Variants in PSMD9 observed in about 807,000 individuals in gnomAD.
PSMD9 encodes the protein 26S proteasome non-ATPase regulatory subunit 9.
In PSMD9, 26 loss-of-function variants were observed where a neutral mutation model predicts 25.9. The ratio of observed to expected loss-of-function variants is 1.00; its 90% CI spans 0.73 to 1.39. PSMD9 has a LOEUF of 1.39. Ranked by LOEUF, PSMD9 falls within the 40% of genes most tolerant of loss-of-function variation. PSMD9 has a pLI of 0.00. For synonymous variants in PSMD9, 110 were observed against 114.5 expected, an observed-to-expected ratio of 0.96 and a Z score of 0.25; for missense variants, 303 against 299.3, an observed-to-expected ratio of 1.01 and a Z score of -0.09.
rs1245354158 is a variant in PSMD9 at position 121,916,623 on chromosome 12, G to A, written c.*312G>A. ...GATTATTATTATTATTTTTAATAAA[G>A]AGTTTTACAGTGCTGATATGACCCT... On this transcript the variant is annotated 3_prime_UTR_variant, in exon 6 of 6. Transcript: ENST00000541212. 2 of 355,078 alleles carry A rather than the reference G, an allele frequency of 5.6e-6. No homozygotes were observed. The highest frequency in any genetic ancestry group is 1.0e-5 in the Non-Finnish European group (2 of 193,384). 22.0% of individuals were successfully genotyped at this position (355,078 alleles called of 1,614,324 possible).
chr12:121,893,474 C>T (rs1438244646), intron 1 of PSMD9, among the ~76,000 whole-genome samples: 9 of 152,224 alleles, frequency 5.9e-5, no homozygotes, highest in Non-Finnish European at 1.0e-4. Context: ...GCCACCTTAA[C>T]ACCACAGAGT....
intron 4 of PSMD9, among the ~76,000 whole-genome samples, chr12:121,907,407 A>C (rs1879594001): frequency 1.4e-5 from 2 of 144,560 alleles, no homozygotes; most frequent in South Asian, 4.4e-4. Context: ...TTTATTTGAG[A>C]TGGAGTCTTG....
At position 121,899,824 on chromosome 12, in the gene PSMD9, C is replaced by T. The variant is rs758394413; in HGVS notation, c.432C>T (p.Pro144=). 19 of 1,613,902 alleles carry T rather than the reference C, an allele frequency of 1.2e-5. No individual in the cohort carries two copies. Among genetic ancestry groups the T allele is most frequent in the South Asian group, 3.3e-5 (3 of 91,082 alleles). The change falls in exon 3 of 6, where the codon CCC becomes CCT. Residue 144 remains proline, a synonymous_variant. Coordinates refer to ENST00000541212, the MANE Select transcript of PSMD9 (RefSeq NM_002813.7). ...RAFAKVNSIS[P]GSPASIAGLQ... Reference sequence around the variant, plus strand: ...TCGCCAAAGTGAACAGCATCAGCCCCGGCTCCCCAGCCAGCATCGCGGTAA... The same window carrying T: ...TCGCCAAAGTGAACAGCATCAGCCCTGGCTCCCCAGCCAGCATCGCGGTAA...
At chr12:121,899,988 C>G in intron 3 of PSMD9, 143 bp downstream of exon 3, 1 of 978,990 alleles carries the variant, frequency 1.0e-6, no homozygotes, top group Non-Finnish European at 1.5e-6. Context: ...CTGACTGAGG[C>G]CTGTCGTGTA....
At chr12:121,897,011 C>G (rs76706382) in intron 2 of PSMD9, among the ~76,000 whole-genome samples, 1 of 151,810 alleles carries the variant, frequency 6.6e-6, no homozygotes, top group Admixed American at 6.6e-5. Context: ...TATACACATG[C>G]GTGTATATAT....
In PSMD9 at chr12:121,903,057, A is replaced by G. The variant is rs1879446459; in HGVS notation, c.505A>G (p.Asn169Asp). Residue 169 changes from asparagine (N) to aspartate (D), a missense_variant, in exon 4 of 6, where the codon AAC (asparagine) becomes GAC (aspartate). By Grantham distance (23) the Asn-to-Asp change is conservative (BLOSUM62 1). Transcript: ENST00000541212. ...IVEFGSVNTQNFQSLHNIGSV... is the reference protein window; with the variant it reads ...IVEFGSVNTQDFQSLHNIGSV... ...GGAGTTCGGCTCTGTGAACACCCAGAACTTCCAGTCACTGCATAACATTGG... is the reference window on the plus strand; with the variant it reads ...GGAGTTCGGCTCTGTGAACACCCAGGACTTCCAGTCACTGCATAACATTGG... The G allele has an allele frequency of 6.2e-7, 1 of 1,613,976 alleles. No individual in the cohort carries two copies. The highest frequency in any genetic ancestry group is 1.3e-5 in the African/African-American group (1 of 74,894).
chr12:121,910,990 C>T (rs1301043302), intron 4 of PSMD9: 1 of 456,414 alleles, frequency 2.2e-6, no homozygotes, highest in East Asian at 7.0e-5. Context: ...TTTGACTACT[C>T]CAGGGACCTC....
At position 121,906,983 on chromosome 12, in the gene PSMD9, C is replaced by G. The variant is rs570807717; in HGVS notation, c.555+3876C>G. 1.7e-3 allele frequency among the ~76,000 whole-genome samples: 259 copies of G among 148,382 alleles called. 4 individuals are homozygous for G. Among genetic ancestry groups the G allele is most frequent in the African/African-American group, 6.0e-3 (245 of 40,624 alleles). On this transcript the variant is annotated intron_variant, in intron 4 of 5. Coordinates refer to ENST00000541212, the MANE Select transcript of PSMD9 (RefSeq NM_002813.7). The stretch of plus-strand genomic sequence containing the variant: ...TCTGTGTCAAAAAAAAAAAAAAAAC[C>G]AAAAAACTCACAGTGTTCTATTGTG...
chr12:121,892,558 G>A (rs934261958), intron 1 of PSMD9, among the ~76,000 whole-genome samples: 5 of 151,920 alleles, frequency 3.3e-5, no homozygotes, highest in African/African-American at 4.8e-5. Flanking sequence ...AAAATTAGCC[G>A]GGTGTGGTGG....
intron 3 of PSMD9, 94 bp downstream of exon 3, chr12:121,899,939 G>A (rs773907139): frequency 2.6e-5 from 34 of 1,333,204 alleles, no homozygotes; most frequent in Non-Finnish European, 3.5e-5. Context: ...AGTTCTCTCC[G>A]TGCTGCGGTG....
intron 2 of PSMD9, among the ~76,000 whole-genome samples, chr12:121,896,952 T>C (rs1258075599): frequency 6.6e-6 from 1 of 151,738 alleles, no homozygotes; most frequent in Non-Finnish European, 1.5e-5. Context: ...CATGTGTATA[T>C]ATCTACACAT....
intron 4 of PSMD9, chr12:121,911,104 A>G (rs894760686): frequency 2.4e-5 from 10 of 421,582 alleles, no homozygotes; most frequent in South Asian, 3.5e-5. Context: ...CAGTGGCTCA[A>G]TCTCCACTCA....
rs191235879 is a variant in PSMD9, at chr12:121,906,251, T to C, written c.555+3144T>C. 4.6e-5 allele frequency among the ~76,000 whole-genome samples: 7 copies of C among 152,288 alleles called. No individual in the cohort carries two copies. The East Asian group carries it at 1.2e-3, about 25-fold the overall frequency. On this transcript the variant is annotated intron_variant, in intron 4 of 5. Transcript: ENST00000541212. ...TAAAGGCTGAGCTGTCTTGGTGGGC[T>C]GGAGGATGGAGAAGGTCGTGTGTTG...
At chr12:121,909,754 C>T (rs1177248319) in intron 4 of PSMD9, among the ~76,000 whole-genome samples, 1 of 152,180 alleles carries the variant, frequency 6.6e-6, no homozygotes, top group African/African-American at 2.4e-5. Context: ...CCACCATGTT[C>T]CATTGGTCGG....
intron 4 of PSMD9, among the ~76,000 whole-genome samples, chr12:121,910,375 TGCCCG>T (rs1879683564): frequency 6.6e-6 from 1 of 151,124 alleles, no homozygotes; most frequent in Non-Finnish European, 1.5e-5. Flanking sequence ...TGAGCTACCA[TGCCCG>T]GCCTATGCTG....
chr12:121,916,312 T>A lies in PSMD9; in HGVS notation c.*1T>A, dbSNP rs777359445. ...CAACATTATTCCTCTGCAAAGATGA[T>A]TGTCCCTGGGGAACAGTAACAGGAA... On this transcript the variant is annotated 3_prime_UTR_variant, in exon 6 of 6. Transcript: ENST00000541212. The A allele has an allele frequency of 6.2e-7, 1 of 1,613,972 alleles. No homozygotes were observed. The highest frequency in any genetic ancestry group is 8.5e-7 in the Non-Finnish European group (1 of 1,179,922).
In PSMD9 at chr12:121,917,432, C is replaced by G. The variant is rs1038054765; in HGVS notation, c.*1121C>G. 6.6e-6 allele frequency: 1 copy of G among 152,216 alleles called. No homozygotes were observed. Among genetic ancestry groups the G allele is most frequent in the Admixed American group, 6.5e-5 (1 of 15,276 alleles). The allele number at this position is 152,216 out of a possible 1,614,324, so 9.4% of individuals were successfully genotyped here. On this transcript the variant is annotated 3_prime_UTR_variant, in exon 6 of 6. Transcript: ENST00000541212. Reference sequence around the variant, plus strand: ...TCTTCCTCCCTTTTATTTTTTGTCTCTTTTAAGATGGTAAAATGGTTCTCA... The same window carrying G: ...TCTTCCTCCCTTTTATTTTTTGTCTGTTTTAAGATGGTAAAATGGTTCTCA...
rs367924572 is a variant in PSMD9, at chr12:121,912,401, G to A, written c.556-3455G>A. Among the ~76,000 whole-genome samples, 21 of 152,110 alleles carry A rather than the reference G, an allele frequency of 1.4e-4. No individual in the cohort carries two copies. In the East Asian group the frequency reaches 1.7e-3, roughly 13 times the overall value. On this transcript the variant is annotated intron_variant, in intron 4 of 5. Coordinates refer to ENST00000541212, the MANE Select transcript of PSMD9 (RefSeq NM_002813.7). ...CGTGCACCGTTTCACATTCCCACCA[G>A]TGGTGCACAGGGCTCCATTTTCCCC... is the stretch of plus-strand genomic sequence containing the variant.
intron 3 of PSMD9, chr12:121,902,452 C>T (rs1394632573): frequency 6.5e-6 from 1 of 154,220 alleles, no homozygotes. Flanking sequence ...ACCCCATCTA[C>T]TGCATCTAAC....
Sources: gnomAD v4.1 joint callset for allele counts (sites outside exome capture counted in the v4.1 genomes callset) on GRCh38, gnomAD v4.1.1 for gene constraint, MANE v1.5 for transcripts, NCBI Gene and HGNC (gene_info 2026-07-23, HGNC 2026-07-21) for gene names.